Variants in CSRNP3 observed in about 807,000 individuals in gnomAD.
The protein encoded by CSRNP3 is cysteine/serine-rich nuclear protein 3.
A neutral mutation model predicts 48.0 loss-of-function variants in CSRNP3; 12 were observed. That is an observed-to-expected ratio of 0.25 (90% confidence interval 0.16 to 0.41). The LOEUF (loss-of-function observed/expected upper bound fraction) is 0.41, where lower values mean the gene tolerates loss of function less well. Ranked by LOEUF, CSRNP3 falls within the 10% of genes least tolerant of loss-of-function variation. CSRNP3 has a pLI of 1.00. For synonymous variants in CSRNP3, 263 were observed against 269.7 expected (o/e 0.98, Z 0.24); for missense variants, 580 against 724.4 (o/e 0.80, Z 2.29).
intron 4 of CSRNP3, among the ~76,000 whole-genome samples, chr2:165,646,174 T>C (rs963851709): frequency 1.3e-5 from 2 of 152,196 alleles, no homozygotes; most frequent in Admixed American, 6.5e-5. Flanking sequence ...CTTTTTTAGA[T>C]TTAATGGCAT....
intron 4 of CSRNP3, among the ~76,000 whole-genome samples, chr2:165,647,026 G>T (rs980077527): frequency 6.6e-6 from 1 of 151,970 alleles, no homozygotes; most frequent in East Asian, 1.9e-4. Flanking sequence ...GGAAGTAGGT[G>T]GTACTTGTTT....
rs375259590 is a variant in CSRNP3, at chr2:165,483,821, T to TA, written c.-282-10937dup. ...AGGGCACTAATCCGCCTTCATGACT[T>TA]ACTTATGTCCCCAAAGCTCCAGCCC... On this transcript the variant is annotated intron_variant, in intron 1 of 6. Coordinates refer to ENST00000651982, the MANE Select transcript of CSRNP3 (RefSeq NM_001172173.2). Among the ~76,000 whole-genome samples, 580 of 152,288 alleles carry TA rather than the reference T, an allele frequency of 3.8e-3. 8 individuals are homozygous for TA. Among genetic ancestry groups the TA allele is most frequent in the African/African-American group, 0.013 (545 of 41,544 alleles).
At chr2:165,569,549 A>G (rs1685341323) in intron 3 of CSRNP3, among the ~76,000 whole-genome samples, 1 of 152,130 alleles carries the variant, frequency 6.6e-6, no homozygotes, top group African/African-American at 2.4e-5. Context: ...AAGAGTTGAC[A>G]TAATTTTTTT....
chr2:165,624,455 A>G (rs985158072), intron 4 of CSRNP3, among the ~76,000 whole-genome samples: 3 of 151,990 alleles, frequency 2.0e-5, no homozygotes, highest in African/African-American at 7.3e-5. Flanking sequence ...TAAGCTCACA[A>G]TTTCCTCACT....
rs1687655987 is a variant in CSRNP3, at chr2:165,687,858, C to CA, written c.*8106dup. ...ATCTGCTCAGAGTTGACACCCAACT[C>CA]AGAGTCAGAACTCACCAGAAGATGA... On this transcript the variant is annotated 3_prime_UTR_variant, in exon 7 of 7. Coordinates refer to ENST00000651982, the MANE Select transcript of CSRNP3 (RefSeq NM_001172173.2). The CA allele has an allele frequency of 6.6e-6, 1 of 152,002 alleles. No homozygotes were observed. Among genetic ancestry groups the CA allele is most frequent in the Non-Finnish European group, 1.5e-5 (1 of 67,986 alleles). The allele number at this position is 152,002 out of a possible 1,614,324, so 9.4% of individuals were successfully genotyped here. A position where few individuals can be genotyped will look rare whatever the true frequency, so the allele number is the denominator to read the frequency against.
chr2:165,511,148 T>A (rs1289368771), intron 2 of CSRNP3, among the ~76,000 whole-genome samples: 1 of 152,184 alleles, frequency 6.6e-6, no homozygotes, highest in African/African-American at 2.4e-5. Context: ...GATTTGGCAA[T>A]ATTCAAGTTC....
intron 3 of CSRNP3, among the ~76,000 whole-genome samples, chr2:165,525,453 T>C (rs1684719149): frequency 6.6e-6 from 1 of 151,732 alleles, no homozygotes; most frequent in African/African-American, 2.4e-5. Context: ...GATTATGATT[T>C]TGATGTTTAT....
At chr2:165,567,815 G>T (rs1215761892) in intron 3 of CSRNP3, among the ~76,000 whole-genome samples, 1 of 151,750 alleles carries the variant, frequency 6.6e-6, no homozygotes, top group African/African-American at 2.4e-5. Flanking sequence ...CTTTATTTAA[G>T]GGAGGTCCTG....
intron 1 of CSRNP3, among the ~76,000 whole-genome samples, chr2:165,489,904 C>A (rs1462167274): frequency 2.0e-5 from 3 of 147,852 alleles, no homozygotes; most frequent in Non-Finnish European, 4.5e-5. Context: ...GGGATGCCCT[C>A]TCTCACCGCT....
Position 165,655,984 on chromosome 2 carries a change from T to C in CSRNP3, c.149-1777T>C, listed in dbSNP as rs190060425. Among the ~76,000 whole-genome samples, 4 of 152,296 alleles carry C rather than the reference T, an allele frequency of 2.6e-5. No homozygotes were observed. The East Asian group carries it at 5.8e-4, about 22-fold the overall frequency. ...TCCGAGGTACTCGGGATTAGGACTT[T>C]AGCATATTTGGTGGAGAGGGACAAA... On this transcript the variant is annotated intron_variant, in intron 4 of 6. Transcript: ENST00000651982.
chr2:165,606,593 T>C (rs1686032247), intron 4 of CSRNP3, among the ~76,000 whole-genome samples: 1 of 152,132 alleles, frequency 6.6e-6, no homozygotes, highest in African/African-American at 2.4e-5. Context: ...CTCCTAACAC[T>C]GGCATGAGTG....
intron 2 of CSRNP3, among the ~76,000 whole-genome samples, chr2:165,513,314 T>G (rs1440390215): frequency 3.9e-5 from 6 of 152,188 alleles, no homozygotes; most frequent in African/African-American, 1.4e-4. Context: ...ACAAGTTTTA[T>G]TATCACTTGA....
intron 3 of CSRNP3, among the ~76,000 whole-genome samples, chr2:165,591,964 A>G (rs2105292129): frequency 6.6e-6 from 1 of 152,318 alleles, no homozygotes; most frequent in East Asian, 1.9e-4. Flanking sequence ...TCCAGAACCC[A>G]AAATGGAAGA....
In CSRNP3 at chr2:165,636,800, ATAAT is replaced by A. The variant is rs1053483789; in HGVS notation, c.149-20958_149-20955del. Among the ~76,000 whole-genome samples, 7 of 152,190 alleles carry A rather than the reference ATAAT, an allele frequency of 4.6e-5. No individual in the cohort carries two copies. In the East Asian group the frequency reaches 7.7e-4, roughly 17 times the overall value. ...CTACTACAATTTTATTATTTTTTAA[ATAAT>A]TAGAGTATTAAGCATTAATTAGTTC... is the stretch of plus-strand genomic sequence containing the variant. On this transcript the variant is annotated intron_variant, in intron 4 of 6. Transcript: ENST00000651982.
At chr2:165,497,505 A>C (rs1684299696) in intron 2 of CSRNP3, among the ~76,000 whole-genome samples, 1 of 152,102 alleles carries the variant, frequency 6.6e-6, no homozygotes, top group Non-Finnish European at 1.5e-5. Flanking sequence ...CCTGATCACA[A>C]AGACAAATCT....
At chr2:165,512,758 A>G (rs1002599303) in intron 2 of CSRNP3, among the ~76,000 whole-genome samples, 1 of 152,224 alleles carries the variant, frequency 6.6e-6, no homozygotes, top group Non-Finnish European at 1.5e-5. Context: ...TGATATCTTA[A>G]AAAGAATTAT....
At chr2:165,538,242 T>C (rs1029982951) in intron 3 of CSRNP3, among the ~76,000 whole-genome samples, 8 of 151,988 alleles carry the variant, frequency 5.3e-5, no homozygotes, top group Non-Finnish European at 8.8e-5. Flanking sequence ...TGACACTTTG[T>C]ATAATTCCTT....
intron 4 of CSRNP3, among the ~76,000 whole-genome samples, chr2:165,633,390 A>G (rs534242509): frequency 1.3e-5 from 2 of 152,322 alleles, no homozygotes; most frequent in Non-Finnish European, 2.9e-5. Context: ...CATCGATAAT[A>G]TTTTGATTTT....
chr2:165,666,043 G>GGAAT, intron 5 of CSRNP3, among the ~76,000 whole-genome samples: 1 of 36,854 alleles, frequency 2.7e-5, no homozygotes, highest in Admixed American at 3.2e-4. Flanking sequence ...AAGGGAGGAA[G>GGAAT]GAAGGAAAGA....
Sources: gnomAD v4.1 joint callset for allele counts (sites outside exome capture counted in the v4.1 genomes callset) on GRCh38, gnomAD v4.1.1 for gene constraint, MANE v1.5 for transcripts, NCBI Gene and HGNC (gene_info 2026-07-23, HGNC 2026-07-21) for gene names.